ACIN1: variants seen among roughly 807,000 people sequenced by gnomAD.
ACIN1 encodes apoptotic chromatin condensation inducer in the nucleus.
ACIN1 carries 16 observed loss-of-function variants against 146.6 expected under a neutral mutation model. That is an observed-to-expected ratio of 0.11 (90% confidence interval 0.07 to 0.17). ACIN1 has a LOEUF of 0.17. Among genes scored for constraint, ACIN1 ranks in the 10% least tolerant of loss-of-function variants. ACIN1 has a pLI of 1.00. For missense variants in ACIN1, 1,357 were observed against 1,609.3 expected (o/e 0.84, Z 2.68); for synonymous variants, 569 against 582.7 (o/e 0.98, Z 0.34).
rs1253617849 is a variant in ACIN1, at chr14:23,067,582, G to A, written c.2266-1574C>T. 10 of 985,806 alleles carry A rather than the reference G, an allele frequency of 1.0e-5. No individual in the cohort carries two copies. Among genetic ancestry groups the A allele is most frequent in the African/African-American group, 5.2e-5 (3 of 57,218 alleles). 61.1% of individuals were successfully genotyped at this position (985,806 alleles called of 1,614,324 possible). A position where few individuals can be genotyped will look rare whatever the true frequency, so the allele number is the denominator to read the frequency against. ...TTCACTGGCGGTGGCCAGGCTCAGC[G>A]AGGGATAGAGGGGGGAAAGGGGCAG... is the stretch of plus-strand genomic sequence containing the variant. On this transcript the variant is annotated intron_variant, in intron 9 of 18. Transcript: ENST00000605057. This position sits in a 1 kb window ranked among gnomAD's most constrained non-coding sequence, Gnocchi z 4.6.
rs1337622977 is a variant in ACIN1, at chr14:23,067,736, C to T, written c.2266-1728G>A. Reference sequence around the variant, plus strand: ...GGACCCTATGTCCACCAGTGGCAAGCTGCAGCAATAACACCACCCAATACT... The same window carrying T: ...GGACCCTATGTCCACCAGTGGCAAGTTGCAGCAATAACACCACCCAATACT... On this transcript the variant is annotated intron_variant, in intron 9 of 18. Transcript: ENST00000605057. This position sits in a 1 kb window ranked among gnomAD's most constrained non-coding sequence, Gnocchi z 4.6. The T allele has an allele frequency of 2.3e-5, 23 of 985,824 alleles. No individual in the cohort carries two copies. The highest frequency in any genetic ancestry group is 2.8e-5 in the Non-Finnish European group (23 of 830,050). 61.1% of individuals were successfully genotyped at this position (985,824 alleles called of 1,614,324 possible). A position where few individuals can be genotyped will look rare whatever the true frequency, so the allele number is the denominator to read the frequency against.
rs142589078 is a variant in ACIN1 at position 23,079,480 on chromosome 14, G to A, written c.1788+67C>T. The A allele has an allele frequency of 2.5e-4, 398 of 1,569,408 alleles. 1 individual carries two copies. The African/African-American group carries it at 4.2e-3, about 17-fold the overall frequency. Reference sequence around the variant, plus strand: ...TTCAGAAATCATGACAGGCTCTCCAGGGGCTGAAATGAAAACCACTGGAAT... The same window carrying A: ...TTCAGAAATCATGACAGGCTCTCCAAGGGCTGAAATGAAAACCACTGGAAT... On this transcript the variant is annotated intron_variant, in intron 6 of 18. Transcript: ENST00000605057.
In ACIN1 at chr14:23,089,996, C is replaced by G. The variant is rs1186712395; in HGVS notation, c.422G>C (p.Ser141Thr). 1 of 1,612,380 alleles carries G rather than the reference C, an allele frequency of 6.2e-7. No individual in the cohort carries two copies. The highest frequency in any genetic ancestry group is 1.7e-5 in the Admixed American group (1 of 59,894). Residue 141 changes from serine to threonine, a missense_variant, in exon 4 of 19, where the codon AGC becomes ACC. Ser to Thr is a moderately conservative substitution (Grantham distance 58, BLOSUM62 1). This residue lies in a region of ACIN1 where 771 missense variants were observed against 746.6 expected (regional missense o/e 1.03). Coordinates refer to ENST00000605057, the MANE Select transcript of ACIN1 (RefSeq NM_001386863.1). ...SSLERPELEL[S>T]RHSPRKSSSI... Reference sequence around the variant, plus strand: ...GAGATACGTACTGGGCGAATGTCTGCTGAGCTCCAGCTCTGGTCTCTCCAG... The same window carrying G: ...GAGATACGTACTGGGCGAATGTCTGGTGAGCTCCAGCTCTGGTCTCTCCAG...
At chr14:23,066,041 G>A (rs938796710) in intron 9 of ACIN1, 33 bp from the exon 10 acceptor site, 1 of 1,601,562 alleles carries the variant, frequency 6.2e-7, no homozygotes, top group Non-Finnish European at 8.6e-7. Flanking sequence ...AAAAAAAAGA[G>A]AAAGAGAGAC....
chr14:23,061,939 A>C (rs1259488608), intron 16 of ACIN1, among the ~76,000 whole-genome samples: 1 of 139,364 alleles, frequency 7.2e-6, no homozygotes, highest in East Asian at 2.1e-4. Flanking sequence ...GCGCCACTGC[A>C]CTCCAGCCTG....
intron 16 of ACIN1, 121 bp downstream of exon 16, chr14:23,062,047 A>G: frequency 2.6e-6 from 2 of 764,408 alleles, no homozygotes. Context: ...AACCAAAGCC[A>G]GGGAAGAAGA....
At chr14:23,076,716 T>C (rs1488807592) in intron 8 of ACIN1, among the ~76,000 whole-genome samples, 1 of 152,112 alleles carries the variant, frequency 6.6e-6, no homozygotes, top group Non-Finnish European at 1.5e-5. Flanking sequence ...ACTTCAAAAC[T>C]GCCATTTCAC....
rs116570100 is a variant in ACIN1, at chr14:23,078,091, C to T, written c.2123+60G>A. 496 of 1,501,490 alleles carry T rather than the reference C, an allele frequency of 3.3e-4. 2 individuals carry two copies. The African/African-American group carries it at 6.0e-3, about 18-fold the overall frequency. The allele number at this position is 1,501,490 out of a possible 1,614,324, so 93.0% of individuals were successfully genotyped here. ...TGCTTAGTCAAAGAACCCTAGGGAG[C>T]GAAGAACTATCGCACACTCATAGTT... is the stretch of plus-strand genomic sequence containing the variant. On this transcript the variant is annotated intron_variant, in intron 8 of 18. Coordinates refer to ENST00000605057, the MANE Select transcript of ACIN1 (RefSeq NM_001386863.1).
intron 1 of ACIN1, 37 bp from the exon 2 acceptor site, chr14:23,093,581 G>GA (rs756078057): frequency 4.9e-5 from 77 of 1,557,738 alleles, no homozygotes; most frequent in Non-Finnish European, 5.7e-5. Context: ...AAATGATGAG[G>GA]AAAAAAAAGA....
At chr14:23,094,526 C>T in intron 1 of ACIN1, 1 of 985,342 alleles carries the variant, frequency 1.0e-6, no homozygotes, top group African/African-American at 1.7e-5. Context: ...TTTTACCCTA[C>T]CCCAGTCCTA....
intron 4 of ACIN1, among the ~76,000 whole-genome samples, chr14:23,083,046 GAT>G (rs1491227599): frequency 5.4e-5 from 8 of 148,028 alleles, no homozygotes; most frequent in African/African-American, 2.1e-4. Flanking sequence ...GACTAGGTGA[GAT>G]TTTTTTTTTT....
Position 23,081,052 on chromosome 14 carries a change from A to AC in ACIN1, c.526-244dup, listed in dbSNP as rs1555373938. ...TGTAGTTTAAATTTTAGCTTCAAGC[A>AC]CCCCCTTTTTTTTTTTTTCAGTAAA... On this transcript the variant is annotated intron_variant, in intron 5 of 18. Coordinates refer to ENST00000605057, the MANE Select transcript of ACIN1 (RefSeq NM_001386863.1). Among the ~76,000 whole-genome samples, 484 of 148,260 alleles carry AC rather than the reference A, an allele frequency of 3.3e-3. 20 individuals carry two copies. The East Asian group carries it at 0.064, about 20-fold the overall frequency.
intron 1 of ACIN1, chr14:23,094,618 C>A (rs753691100): frequency 1.1e-5 from 11 of 999,816 alleles, no homozygotes; most frequent in African/African-American, 3.3e-5. Flanking sequence ...ACTCGCCCCC[C>A]TCAGGCCAGC....
chr14:23,067,744 A>G lies in ACIN1; in HGVS notation c.2265+1732T>C, dbSNP rs1446121668. 6 of 985,952 alleles carry G rather than the reference A, an allele frequency of 6.1e-6. No homozygotes were observed. In the South Asian group the frequency reaches 2.3e-4, roughly 39 times the overall value. The allele number at this position is 985,952 out of a possible 1,614,324, so 61.1% of individuals were successfully genotyped here. A position where few individuals can be genotyped will look rare whatever the true frequency, so the allele number is the denominator to read the frequency against. On this transcript the variant is annotated intron_variant, in intron 9 of 18. Coordinates refer to ENST00000605057, the MANE Select transcript of ACIN1 (RefSeq NM_001386863.1). This position sits in a 1 kb window ranked among gnomAD's most constrained non-coding sequence, Gnocchi z 4.6. ...TGTCCACCAGTGGCAAGCTGCAGCA[A>G]TAACACCACCCAATACTTGGAATCC...
Position 23,067,882 on chromosome 14 carries a change from C to G in ACIN1, c.2265+1594G>C. 1.0e-6 allele frequency: 1 copy of G among 985,784 alleles called. No individual in the cohort carries two copies. Among genetic ancestry groups the G allele is most frequent in the Non-Finnish European group, 1.2e-6 (1 of 829,920 alleles). 61.1% of individuals were successfully genotyped at this position (985,784 alleles called of 1,614,324 possible). A position where few individuals can be genotyped will look rare whatever the true frequency, so the allele number is the denominator to read the frequency against. ...AGGTAGCCTGGGGGTAGGTGAATAC[C>G]CCAGGACCTGGCAGACATTCAGCAG... On this transcript the variant is annotated intron_variant, in intron 9 of 18. Coordinates refer to ENST00000605057, the MANE Select transcript of ACIN1 (RefSeq NM_001386863.1). The surrounding 1 kb of genome is among the most constrained non-coding windows in gnomAD (Gnocchi z 4.6).
At chr14:23,077,159 T>C (rs2047823646) in intron 8 of ACIN1, among the ~76,000 whole-genome samples, 1 of 152,166 alleles carries the variant, frequency 6.6e-6, no homozygotes, top group Non-Finnish European at 1.5e-5. Context: ...ATGAGATAAA[T>C]CATGTCACCT....
At chr14:23,073,750 C>T (rs2047725576) in intron 8 of ACIN1, among the ~76,000 whole-genome samples, 1 of 152,176 alleles carries the variant, frequency 6.6e-6, no homozygotes, top group Non-Finnish European at 1.5e-5. Flanking sequence ...ATAAAATGCT[C>T]TGTTTATCCA....
In ACIN1 at chr14:23,086,626, C is replaced by G. The variant is rs187532750; in HGVS notation, c.436+3356G>C. Among the ~76,000 whole-genome samples the G allele has an allele frequency of 5.5e-4, 84 of 152,330 alleles. 1 individual carries two copies. The highest frequency in any genetic ancestry group is 2.0e-3 in the Admixed American group (31 of 15,298). On this transcript the variant is annotated intron_variant, in intron 4 of 18. Transcript: ENST00000605057. ...TCAGCCTCCCGAGTAGCTGGGACTACAGGCATGTGCCATCACAGTCAGCTA... is the reference window on the plus strand; with the variant it reads ...TCAGCCTCCCGAGTAGCTGGGACTAGAGGCATGTGCCATCACAGTCAGCTA...
chr14:23,071,148 GATT>G, intron 8 of ACIN1: 1 of 1,550,966 alleles, frequency 6.4e-7, no homozygotes, highest in South Asian at 1.2e-5. Flanking sequence ...CTGATAACAT[GATT>G]TTTTTTCTCC....
Sources: allele counts gnomAD v4.1 joint callset (sites outside exome capture counted in the v4.1 genomes callset), GRCh38; gene constraint gnomAD v4.1.1; regional missense constraint gnomAD v4.1.1; non-coding constraint Gnocchi (gnomAD v3.1); transcripts MANE v1.5; gene names NCBI Gene and HGNC (gene_info 2026-07-23, HGNC 2026-07-21).